MICU1: variants seen among roughly 807,000 people sequenced by gnomAD.
MICU1 encodes calcium uptake protein 1, mitochondrial.
In MICU1, 45 loss-of-function variants were observed where a neutral mutation model predicts 56.8. That is an observed-to-expected ratio of 0.79 (90% CI 0.62 to 1.02). The LOEUF is 1.02. Among genes scored for constraint, MICU1 ranks in the 50% least tolerant of loss-of-function variants. The probability of loss-of-function intolerance (pLI) is 0.00; values close to 1 mark genes in which losing one functional copy is unlikely to be tolerated. For missense variants in MICU1, 504 were observed against 587.1 expected, an observed-to-expected ratio of 0.86 and a Z score of 1.46; for synonymous variants, 186 against 195.1, an observed-to-expected ratio of 0.95 and a Z score of 0.39.
intron 1 of MICU1, among the ~76,000 whole-genome samples, chr10:72,620,598 CAATTTTCTCA>C (rs1315648640): frequency 6.6e-6 from 1 of 152,126 alleles, no homozygotes; most frequent in African/African-American, 2.4e-5. Context: ...ACTAAAGTTT[CAATTTTCTCA>C]TAGTAAAACC....
At chr10:72,432,599 G>A (rs572795484) in intron 8 of MICU1, among the ~76,000 whole-genome samples, 1 of 152,216 alleles carries the variant, frequency 6.6e-6, no homozygotes, top group Non-Finnish European at 1.5e-5. Flanking sequence ...CATGGTGGAA[G>A]TTGAAGTGGG....
At chr10:72,549,242 G>C (rs1311271256) in intron 4 of MICU1, among the ~76,000 whole-genome samples, 1 of 150,454 alleles carries the variant, frequency 6.6e-6, no homozygotes, top group Non-Finnish European at 1.5e-5. Flanking sequence ...CCAGGCTGGG[G>C]TGCAGTGGTG....
At chr10:72,564,444 C>T (rs1840374275) in intron 2 of MICU1, among the ~76,000 whole-genome samples, 1 of 147,896 alleles carries the variant, frequency 6.8e-6, no homozygotes, top group African/African-American at 2.5e-5. Context: ...GAAGCTGAGG[C>T]AGGAGAATGT....
At chr10:72,538,382 G>T (rs1381244500) in intron 4 of MICU1, among the ~76,000 whole-genome samples, 2 of 152,096 alleles carry the variant, frequency 1.3e-5, no homozygotes, top group Non-Finnish European at 2.9e-5. Context: ...GGCAATGTAA[G>T]TAGTCAATAA....
At chr10:72,390,471 T>C (rs1378645188) in intron 10 of MICU1, among the ~76,000 whole-genome samples, 1 of 152,222 alleles carries the variant, frequency 6.6e-6, no homozygotes, top group African/African-American at 2.4e-5. Flanking sequence ...TCCAAACTTA[T>C]TTGAACCATG....
chr10:72,553,234 CTT>C (rs35593530), intron 3 of MICU1, among the ~76,000 whole-genome samples: 235 of 128,980 alleles, frequency 1.8e-3, no homozygotes, highest in African/African-American at 2.0e-3. Flanking sequence ...TACCTTTCTT[CTT>C]TTTTTTTTTT....
chr10:72,440,949 GT>G (rs1864901902), intron 8 of MICU1, among the ~76,000 whole-genome samples: 1 of 152,208 alleles, frequency 6.6e-6, no homozygotes, highest in Non-Finnish European at 1.5e-5. Context: ...TACACTGTTG[GT>G]GGGATTGTAA....
intron 5 of MICU1, among the ~76,000 whole-genome samples, chr10:72,523,028 G>A (rs189238495): frequency 1.7e-4 from 26 of 152,306 alleles, no homozygotes; most frequent in Non-Finnish European, 3.4e-4. Flanking sequence ...AAAGAAGACT[G>A]GTGCTGTTTT....
intron 8 of MICU1, among the ~76,000 whole-genome samples, chr10:72,429,309 A>C (rs1182873801): frequency 1.3e-5 from 2 of 151,400 alleles, no homozygotes; most frequent in Non-Finnish European, 2.9e-5. Flanking sequence ...AATCCCAGCT[A>C]CTTGGGAGGC....
rs114055477 is a variant in MICU1 at position 72,447,100 on chromosome 10, A to C, written c.934-23729T>G. 1.1e-3 allele frequency among the ~76,000 whole-genome samples: 169 copies of C among 152,340 alleles called. 1 individual carries two copies. Among genetic ancestry groups the C allele is most frequent in the African/African-American group, 3.9e-3 (162 of 41,574 alleles). On this transcript the variant is annotated intron_variant, in intron 8 of 11. Transcript: ENST00000361114. The stretch of plus-strand genomic sequence containing the variant: ...GACTGGAACTATGCTTAGAGCATGG[A>C]AAGTTGAATTATAACCTCTTTTTGC...
chr10:72,484,144 G>A (rs1406130228), intron 6 of MICU1, among the ~76,000 whole-genome samples: 2 of 152,142 alleles, frequency 1.3e-5, no homozygotes, highest in African/African-American at 2.4e-5. Context: ...AGACTACATA[G>A]TGTAAAACAG....
At chr10:72,610,236 A>T (rs1230294773) in intron 1 of MICU1, among the ~76,000 whole-genome samples, 1 of 142,330 alleles carries the variant, frequency 7.0e-6, no homozygotes, top group African/African-American at 2.6e-5. Flanking sequence ...ACTCCAGCAT[A>T]AGTGACAGAG....
chr10:72,387,300 C>A (rs1176224175), intron 10 of MICU1, among the ~76,000 whole-genome samples: 1 of 152,198 alleles, frequency 6.6e-6, no homozygotes, highest in Non-Finnish European at 1.5e-5. Context: ...TGGGAAGGTG[C>A]TACAGTCCTA....
At position 72,379,981 on chromosome 10, in the gene MICU1, G is replaced by C. The variant is rs981945824; in HGVS notation, c.1181-4109C>G. ...AATAGCTGGTGAGCTGTCAAACTAG[G>C]AGCACCTGGGATGAGTGGGATGACG... On this transcript the variant is annotated intron_variant, in intron 10 of 11. Transcript: ENST00000361114. Among the ~76,000 whole-genome samples the C allele has an allele frequency of 5.1e-4, 78 of 152,244 alleles. 1 individual carries two copies. The highest frequency in any genetic ancestry group is 1.7e-3 in the African/African-American group (70 of 41,548).
At chr10:72,448,822 T>C (rs1179323775) in intron 8 of MICU1, among the ~76,000 whole-genome samples, 1 of 152,160 alleles carries the variant, frequency 6.6e-6, no homozygotes, top group Admixed American at 6.5e-5. Flanking sequence ...ATGATAACAA[T>C]TGTAAAAAAC....
chr10:72,597,201 T>A (rs952661148), intron 1 of MICU1, among the ~76,000 whole-genome samples: 13 of 152,186 alleles, frequency 8.5e-5, no homozygotes, highest in African/African-American at 2.4e-4. Context: ...AATATACATA[T>A]TTCATATTCC....
intron 1 of MICU1, among the ~76,000 whole-genome samples, chr10:72,619,429 G>A (rs1255011362): frequency 6.6e-6 from 1 of 152,050 alleles, no homozygotes; most frequent in Non-Finnish European, 1.5e-5. Flanking sequence ...TGGGCAACAG[G>A]TCAAGACTCC....
chr10:72,526,560 T>C (rs1371586673), intron 5 of MICU1, among the ~76,000 whole-genome samples: 3 of 152,188 alleles, frequency 2.0e-5, no homozygotes, highest in Admixed American at 6.5e-5. Context: ...CCTCCCAAAG[T>C]GCTGGGATTA....
intron 8 of MICU1, among the ~76,000 whole-genome samples, chr10:72,471,178 C>T (rs141357250): frequency 0.027 from 4,157 of 152,130 alleles, 184 homozygotes; most frequent in African/African-American, 0.096. Flanking sequence ...TCCACCTCCC[C>T]GGTTCAAGCG....
Sources: allele counts gnomAD v4.1 joint callset (sites outside exome capture counted in the v4.1 genomes callset), GRCh38; gene constraint gnomAD v4.1.1; transcripts MANE v1.5; gene names NCBI Gene and HGNC (gene_info 2026-07-23, HGNC 2026-07-21).